Variants in SPEG observed in about 807,000 individuals in gnomAD.
SPEG encodes the protein striated muscle preferentially expressed protein kinase.
A neutral mutation model predicts 300.4 loss-of-function variants in SPEG; 114 were observed. That is an observed-to-expected ratio of 0.38 (90% CI 0.33 to 0.44). The LOEUF is 0.44. SPEG is among the 20% of genes least tolerant of loss of function. The probability of loss-of-function intolerance (pLI) is 1.00; values close to 1 mark genes in which losing one functional copy is unlikely to be tolerated. For missense variants in SPEG, 4,201 were observed against 4,586.2 expected (o/e 0.92, Z 2.43); for synonymous variants, 1,964 against 2,018.9 (o/e 0.97, Z 0.73).
chr2:219,473,116 T>C lies in SPEG; in HGVS notation c.4147+20T>C, dbSNP rs768422052. On this transcript the variant is annotated intron_variant, in intron 16 of 40. Coordinates refer to ENST00000312358, the MANE Select transcript of SPEG (RefSeq NM_005876.5). The surrounding 1 kb of genome is among the most constrained non-coding windows in gnomAD (Gnocchi z 4.6). ...AGCACGGTGAGCCTGGGTGCTCCTG[T>C]CGGGTGGGGGTGGGAGCTGCTGGGA... The C allele has an allele frequency of 6.2e-7, 1 of 1,608,766 alleles. No homozygotes were observed. The highest frequency in any genetic ancestry group is 1.3e-5 in the African/African-American group (1 of 74,846).
chr2:219,455,859 C>A (rs1436741147), intron 6 of SPEG, among the ~76,000 whole-genome samples: 1 of 152,222 alleles, frequency 6.6e-6, no homozygotes, highest in Non-Finnish European at 1.5e-5. Flanking sequence ...AGGAGGCCCT[C>A]TGGGTGCTGG....
intron 6 of SPEG, chr2:219,461,283 T>C: frequency 2.0e-6 from 2 of 986,650 alleles, no homozygotes; most frequent in Non-Finnish European, 2.4e-6. Context: ...GTGCAAGCTG[T>C]AGGGCTGTGG....
chr2:219,492,342 C>CT, intron 40 of SPEG, 82 bp downstream of exon 40: 1 of 1,461,872 alleles, frequency 6.8e-7, no homozygotes, highest in Non-Finnish European at 9.4e-7. Flanking sequence ...AGCTCCTCCC[C>CT]TGCTCCTAGG....
Position 219,462,066 on chromosome 2 carries a change from C to A in SPEG, c.2616+9C>A. 2 of 1,592,746 alleles carry A rather than the reference C, an allele frequency of 1.3e-6. No homozygotes were observed. The highest frequency in any genetic ancestry group is 1.7e-6 in the Non-Finnish European group (2 of 1,172,252). On this transcript the variant is annotated intron_variant, in intron 7 of 40. Transcript: ENST00000312358. ...CACCCCCCACCTTCAAGGTCAGACC[C>A]CTGAGGCTGGGGCCTAGCCTCCTGT...
In SPEG at chr2:219,467,312, T is replaced by C; in HGVS notation, c.3020T>C (p.Leu1007Pro). 2 of 1,611,220 alleles carry C rather than the reference T, an allele frequency of 1.2e-6. No individual in the cohort carries two copies. Among genetic ancestry groups the C allele is most frequent in the Non-Finnish European group, 1.7e-6 (2 of 1,179,888 alleles). ...GTGGATTGGCTGTGCCGTGGCCGCC[T>C]GCTGCAGCCTGCACTGCTCAAATGC... ...VEVDWLCRGR[L>P]LQPALLKCKM... The change falls in exon 10 of 41, where the codon CTG becomes CCG. Residue 1007 changes from leucine (L) to proline (P), a missense_variant. Physicochemically the swap from Leu to Pro is moderately conservative, Grantham distance 98. Coordinates refer to ENST00000312358, the MANE Select transcript of SPEG (RefSeq NM_005876.5).
chr2:219,456,166 A>G (rs1052500976), intron 6 of SPEG, among the ~76,000 whole-genome samples: 13 of 152,230 alleles, frequency 8.5e-5, no homozygotes, highest in Non-Finnish European at 1.3e-4. Context: ...TTCTGGTCCC[A>G]CTCATAGAAT....
chr2:219,460,843 C>T (rs558148351), intron 6 of SPEG: 6 of 986,150 alleles, frequency 6.1e-6, no homozygotes, highest in Middle Eastern at 5.2e-4. Context: ...CTGGGTCAGC[C>T]GAGTGAGTGG....
rs1435585330 is a variant in SPEG, at chr2:219,451,427, T to C, written c.2257+148T>C. ...CGGGGGCTGCCCTGACTTGGGTGTGTGTTCAGGGACATTTCTCAGGACCCC... is the reference window on the plus strand; with the variant it reads ...CGGGGGCTGCCCTGACTTGGGTGTGCGTTCAGGGACATTTCTCAGGACCCC... On this transcript the variant is annotated intron_variant, in intron 5 of 40. Coordinates refer to ENST00000312358, the MANE Select transcript of SPEG (RefSeq NM_005876.5). The surrounding 1 kb of genome is among the most constrained non-coding windows in gnomAD (Gnocchi z 6.4). 4.1e-6 allele frequency: 5 copies of C among 1,231,010 alleles called. No individual in the cohort carries two copies. In the East Asian group the frequency reaches 1.3e-4, roughly 32 times the overall value. The allele number at this position is 1,231,010 out of a possible 1,614,324, so 76.3% of individuals were successfully genotyped here.
intron 8 of SPEG, among the ~76,000 whole-genome samples, chr2:219,463,669 G>A (rs1388873875): frequency 6.7e-6 from 1 of 150,146 alleles, no homozygotes; most frequent in Non-Finnish European, 1.5e-5. Flanking sequence ...GCCTCCCAAA[G>A]TGCTGGGATT....
Position 219,435,049 on chromosome 2 carries a change from GA to G in SPEG, c.76del (p.Arg26GlyfsTer24). ...RAPPSPGVPP[K>X]RAKVGAGGGA... is the part of the protein sequence containing the mutation. The stretch of plus-strand genomic sequence containing the variant: ...CACCCCCCAGCCCCGGAGTGCCCCC[GA>G]AAAGGGCCAAGGTGGGGGCCGGCGG... On this transcript the variant is annotated frameshift_variant, in exon 1 of 41. Transcript: ENST00000312358. LOFTEE classifies it high-confidence loss of function. The G allele has an allele frequency of 2.0e-6, 3 of 1,492,388 alleles. No individual in the cohort carries two copies. The highest frequency in any genetic ancestry group is 2.2e-5 in the Admixed American group (1 of 45,458). 92.4% of individuals were successfully genotyped at this position (1,492,388 alleles called of 1,614,324 possible). A position where few individuals can be genotyped will look rare whatever the true frequency, so the allele number is the denominator to read the frequency against.
chr2:219,452,374 C>A (rs1414292784), intron 6 of SPEG, among the ~76,000 whole-genome samples: 1 of 152,166 alleles, frequency 6.6e-6, no homozygotes, highest in African/African-American at 2.4e-5. Context: ...TTGTGAAAGC[C>A]CTTACTTGGT....
intron 31 of SPEG, 42 bp downstream of exon 31, chr2:219,485,519 G>A (rs776082676): frequency 6.6e-7 from 1 of 1,508,136 alleles, no homozygotes; most frequent in Non-Finnish European, 8.9e-7. Context: ...CTCCCCTCCT[G>A]CCCTCCCCTA....
At position 219,473,212 on chromosome 2, in the gene SPEG, G is replaced by A; in HGVS notation, c.4147+116G>A. On this transcript the variant is annotated intron_variant, in intron 16 of 40. Transcript: ENST00000312358. The surrounding 1 kb of genome is among the most constrained non-coding windows in gnomAD (Gnocchi z 4.6). The stretch of plus-strand genomic sequence containing the variant: ...CATGGTAACTGGCAGGAGCAGCCTA[G>A]CCGGGCGGGACCTTGGCCCATCTGT... 1 of 1,056,314 alleles carries A rather than the reference G, an allele frequency of 9.5e-7. No homozygotes were observed. The highest frequency in any genetic ancestry group is 1.4e-6 in the Non-Finnish European group (1 of 729,016). The allele number at this position is 1,056,314 out of a possible 1,614,324, so 65.4% of individuals were successfully genotyped here. A position where few individuals can be genotyped will look rare whatever the true frequency, so the allele number is the denominator to read the frequency against.
chr2:219,437,524 C>T (rs1199560261), intron 1 of SPEG, among the ~76,000 whole-genome samples: 6 of 152,096 alleles, frequency 3.9e-5, no homozygotes, highest in African/African-American at 1.4e-4. Flanking sequence ...TGTTGTGGGG[C>T]TGGATCAGGG....
rs1167540693 is a variant in SPEG at position 219,480,236 on chromosome 2, A to G, written c.5342+96A>G. The G allele has an allele frequency of 2.2e-6, 3 of 1,353,684 alleles. No individual in the cohort carries two copies. The highest frequency in any genetic ancestry group is 3.7e-5 in the Admixed American group (2 of 53,694). 83.9% of individuals were successfully genotyped at this position (1,353,684 alleles called of 1,614,324 possible). On this transcript the variant is annotated intron_variant, in intron 25 of 40. Coordinates refer to ENST00000312358, the MANE Select transcript of SPEG (RefSeq NM_005876.5). This position sits in a 1 kb window ranked among gnomAD's most constrained non-coding sequence, Gnocchi z 5.3. ...TGGCAGGGAGATTTACCGAGCCTGA[A>G]TTCCTCCTGAAGGTGGGCTGGAGGC...
rs745563603 is a variant in SPEG, at chr2:219,485,413, G to A, written c.7677G>A (p.Ser2559=). The A allele has an allele frequency of 4.4e-6, 7 of 1,607,186 alleles. No homozygotes were observed. Among genetic ancestry groups the A allele is most frequent in the Middle Eastern group, 1.9e-4 (1 of 5,400 alleles). ...GGCCGCGGAAGGACAAGGGGTTATC[G>A]CCACCAAACCTCTCTGCCAGCGTCC... The part of the protein sequence containing the change: ...FSRPRKDKGL[S]PPNLSASVQE... Residue 2559 remains serine, a synonymous_variant, in exon 31 of 41, where the codon TCG becomes TCA. Coordinates refer to ENST00000312358, the MANE Select transcript of SPEG (RefSeq NM_005876.5).
At chr2:219,470,931 T>G (rs59255393) in intron 13 of SPEG, among the ~76,000 whole-genome samples, 208 of 124,300 alleles carry the variant, frequency 1.7e-3, no homozygotes, top group African/African-American at 6.6e-3. Flanking sequence ...TAATATATCA[T>G]AGAATGTATT....
chr2:219,492,668 A>G lies in SPEG; in HGVS notation c.9686A>G (p.Gln3229Arg). 2 of 1,610,830 alleles carry G rather than the reference A, an allele frequency of 1.2e-6. No individual in the cohort carries two copies. The highest frequency in any genetic ancestry group is 1.6e-4 in the Middle Eastern group (1 of 6,062). ...QDAYLMKLRR[Q>R]TLTFTTNRLK... ...GCCTACCTGATGAAGCTGCGCCGCC[A>G]GACGCTCACCTTCACCACCAACCGG... is the stretch of plus-strand genomic sequence containing the variant. Residue 3229 changes from glutamine to arginine, a missense_variant, in exon 41 of 41, where the codon CAG (glutamine) becomes CGG (arginine). Gln to Arg is a conservative substitution (Grantham distance 43). Around this residue, in one of 4 missense-constraint regions of SPEG, gnomAD observed 318 missense variants for 429.5 expected, o/e 0.74. Coordinates refer to ENST00000312358, the MANE Select transcript of SPEG (RefSeq NM_005876.5).
intron 6 of SPEG, chr2:219,461,674 T>G (rs1454346001): frequency 1.2e-6 from 1 of 809,048 alleles, no homozygotes; most frequent in African/African-American, 1.8e-5. Flanking sequence ...GCAGGGTCGG[T>G]GTTGGCAGAG....
Sources: gnomAD v4.1 joint callset for allele counts (sites outside exome capture counted in the v4.1 genomes callset) on GRCh38, gnomAD v4.1.1 for gene constraint, gnomAD v4.1.1 regional missense constraint, Gnocchi (gnomAD v3.1) non-coding constraint, MANE v1.5 for transcripts, NCBI Gene and HGNC (gene_info 2026-07-23, HGNC 2026-07-21) for gene names.